The following PDGFC variants were observed in gnomAD, a reference collection of about 807,000 sequenced individuals.
The protein encoded by PDGFC is platelet-derived growth factor C.
In PDGFC, 12 loss-of-function variants were observed where a neutral mutation model predicts 35.5. The observed-to-expected ratio is 0.34, with a 90% confidence interval of 0.22 to 0.55. The LOEUF (loss-of-function observed/expected upper bound fraction) is 0.55. Ranked by LOEUF, PDGFC falls within the 20% of genes least tolerant of loss-of-function variation. The pLI is 0.91. For missense variants in PDGFC, 322 were observed against 412.4 expected (o/e 0.78, Z 1.90); for synonymous variants, 159 against 148.8 (o/e 1.07, Z -0.50).
intron 1 of PDGFC, among the ~76,000 whole-genome samples, chr4:156,859,193 CAT>C (rs929855844): frequency 6.6e-6 from 1 of 151,838 alleles, no homozygotes; most frequent in Non-Finnish European, 1.5e-5. Flanking sequence ...AAAATAGAAA[CAT>C]ATTCATTTTA....
intron 1 of PDGFC, among the ~76,000 whole-genome samples, chr4:156,907,968 A>G (rs1462516246): frequency 1.3e-5 from 2 of 152,144 alleles, no homozygotes; most frequent in Admixed American, 6.5e-5. Flanking sequence ...GGAGTTAAAG[A>G]CCAGCCTGGC....
At chr4:156,825,580 A>G (rs1260036241) in intron 2 of PDGFC, among the ~76,000 whole-genome samples, 2 of 115,752 alleles carry the variant, frequency 1.7e-5, no homozygotes, top group South Asian at 5.8e-4. Context: ...AATAATAATA[A>G]TAATAATAAT....
chr4:156,858,920 A>G (rs1729645390), intron 1 of PDGFC, among the ~76,000 whole-genome samples: 1 of 152,122 alleles, frequency 6.6e-6, no homozygotes, highest in African/African-American at 2.4e-5. Flanking sequence ...AGAATTTACA[A>G]GCAATTTAAA....
At chr4:156,900,776 A>C (rs1014661095) in intron 1 of PDGFC, among the ~76,000 whole-genome samples, 2 of 152,178 alleles carry the variant, frequency 1.3e-5, no homozygotes, top group East Asian at 1.9e-4. Context: ...TTGAGGTTGC[A>C]GTGAGCAGAG....
intron 1 of PDGFC, among the ~76,000 whole-genome samples, chr4:156,918,815 T>C (rs1731207868): frequency 1.3e-5 from 2 of 152,156 alleles, no homozygotes; most frequent in Non-Finnish European, 2.9e-5. Flanking sequence ...TTTACACTAA[T>C]TTATTAGACT....
chr4:156,902,002 G>T (rs1171066133), intron 1 of PDGFC, among the ~76,000 whole-genome samples: 1 of 152,208 alleles, frequency 6.6e-6, no homozygotes, highest in African/African-American at 2.4e-5. Flanking sequence ...AGAGAAATCT[G>T]ACATTCAGAG....
chr4:156,889,769 G>A (rs1288425445), intron 1 of PDGFC, among the ~76,000 whole-genome samples: 1 of 152,148 alleles, frequency 6.6e-6, no homozygotes, highest in Non-Finnish European at 1.5e-5. Flanking sequence ...CTTGTCGGTT[G>A]CCCAATCTCC....
chr4:156,852,687 G>A (rs1156995651), intron 1 of PDGFC, among the ~76,000 whole-genome samples: 1 of 152,060 alleles, frequency 6.6e-6, no homozygotes, highest in African/African-American at 2.4e-5. Context: ...AATCATATTT[G>A]GGTGGGTCTA....
At chr4:156,780,107 GTT>G (rs35403686) in intron 3 of PDGFC, among the ~76,000 whole-genome samples, 30 of 124,972 alleles carry the variant, frequency 2.4e-4, no homozygotes, top group Non-Finnish European at 2.9e-4. Context: ...CAAAATTAAG[GTT>G]TTTTTTTTTT....
At chr4:156,944,164 G>A (rs1731880888) in intron 1 of PDGFC, among the ~76,000 whole-genome samples, 1 of 152,118 alleles carries the variant, frequency 6.6e-6, no homozygotes, top group African/African-American at 2.4e-5. Flanking sequence ...ACCTTGGCTT[G>A]TGGCTTAAAT....
At chr4:156,774,119 G>A (rs1297720956) in intron 3 of PDGFC, among the ~76,000 whole-genome samples, 1 of 152,100 alleles carries the variant, frequency 6.6e-6, no homozygotes, top group Non-Finnish European at 1.5e-5. Context: ...ATGCCTATGT[G>A]ATTTCTCATC....
At chr4:156,922,155 AGTGTGTGTGTGTGTGT>A (rs3070262) in intron 1 of PDGFC, among the ~76,000 whole-genome samples, 3 of 145,274 alleles carry the variant, frequency 2.1e-5, no homozygotes, top group African/African-American at 7.6e-5. Flanking sequence ...AAGGATTCAT[AGTGTGTGTGTGTGTGT>A]GTGTGTGTGT....
At chr4:156,829,717 A>G (rs1728878288) in intron 2 of PDGFC, among the ~76,000 whole-genome samples, 1 of 151,572 alleles carries the variant, frequency 6.6e-6, no homozygotes, top group African/African-American at 2.4e-5. Flanking sequence ...TATTTCTTAG[A>G]TTTTTCTCTC....
intron 1 of PDGFC, among the ~76,000 whole-genome samples, chr4:156,941,130 G>C (rs954649264): frequency 6.6e-6 from 1 of 152,116 alleles, no homozygotes. Context: ...TGTTCAATAA[G>C]TATTTGTAAA....
intron 2 of PDGFC, among the ~76,000 whole-genome samples, chr4:156,841,155 G>A (rs1477450993): frequency 6.6e-6 from 1 of 151,904 alleles, no homozygotes; most frequent in Non-Finnish European, 1.5e-5. Flanking sequence ...AGGGGGGCTG[G>A]GGAGGAATGA....
At chr4:156,815,123 T>C (rs544333838) in intron 2 of PDGFC, among the ~76,000 whole-genome samples, 1 of 152,220 alleles carries the variant, frequency 6.6e-6, no homozygotes, top group African/African-American at 2.4e-5. Context: ...TACTGTGTTG[T>C]CTATAAAACA....
intron 3 of PDGFC, among the ~76,000 whole-genome samples, chr4:156,776,239 C>A (rs1730825170): frequency 6.6e-6 from 1 of 152,132 alleles, no homozygotes; most frequent in Non-Finnish European, 1.5e-5. Flanking sequence ...AAAATTCTAA[C>A]AATACTTTTG....
At chr4:156,921,088 CA>C (rs1244637497) in intron 1 of PDGFC, among the ~76,000 whole-genome samples, 1 of 152,090 alleles carries the variant, frequency 6.6e-6, no homozygotes, top group Non-Finnish European at 1.5e-5. Context: ...AAGGAGCAGT[CA>C]AAAAATTTTA....
intron 3 of PDGFC, among the ~76,000 whole-genome samples, chr4:156,796,641 A>AT (rs1231538374): frequency 6.6e-6 from 1 of 151,256 alleles, no homozygotes; most frequent in Non-Finnish European, 1.5e-5. Context: ...TTTCCCATTT[A>AT]TTTTCTCTGA....
Sources: gnomAD v4.1 joint callset for allele counts (sites outside exome capture counted in the v4.1 genomes callset) on GRCh38, gnomAD v4.1.1 for gene constraint, MANE v1.5 for transcripts, NCBI Gene and HGNC (gene_info 2026-07-23, HGNC 2026-07-21) for gene names.